Variants in SETX observed in about 807,000 individuals in gnomAD.
SETX encodes senataxin.
In SETX, 90 loss-of-function variants were observed where a neutral mutation model predicts 227.2. That is an observed-to-expected ratio of 0.40 (90% CI 0.33 to 0.47). The LOEUF (loss-of-function observed/expected upper bound fraction) is 0.47, where lower values mean the gene tolerates loss of function less well. SETX is among the 20% of genes least tolerant of loss of function. SETX has a pLI of 0.91. For synonymous variants in SETX, 1,210 were observed against 1,113.2 expected (o/e 1.09, Z -1.73); for missense variants, 3,052 against 3,181.5 (o/e 0.96, Z 0.98).
At chr9:132,309,995 C>A (rs1471548966) in intron 11 of SETX, among the ~76,000 whole-genome samples, 1 of 152,020 alleles carries the variant, frequency 6.6e-6, no homozygotes, top group Non-Finnish European at 1.5e-5. Flanking sequence ...ATTTTTAAGA[C>A]ATCACTAAAA....
At chr9:132,334,758 G>A in intron 6 of SETX, 31 bp from the exon 7 acceptor site, 1 of 1,611,736 alleles carries the variant, frequency 6.2e-7, no homozygotes, top group Non-Finnish European at 8.5e-7. Flanking sequence ...ATCTTGAATT[G>A]ATGAAATAAT....
chr9:132,305,072 A>T (rs12000505), intron 11 of SETX, among the ~76,000 whole-genome samples: 1 of 150,732 alleles, frequency 6.6e-6, no homozygotes, highest in Non-Finnish European at 1.5e-5. Flanking sequence ...ATTTTGGGCC[A>T]GGCGCAGTGG....
chr9:132,319,607 C>T (rs1220831569), intron 10 of SETX, among the ~76,000 whole-genome samples: 1 of 152,184 alleles, frequency 6.6e-6, no homozygotes, highest in Non-Finnish European at 1.5e-5. Flanking sequence ...CATTCCACCC[C>T]ACCTCCTGAA....
chr9:132,283,851 T>C (rs1412655311), intron 18 of SETX, among the ~76,000 whole-genome samples: 1 of 151,346 alleles, frequency 6.6e-6, no homozygotes, highest in African/African-American at 2.4e-5. Flanking sequence ...TGTCTTTTTT[T>C]AGTGCTTTTG....
chr9:132,331,484 C>T (rs1351702886), intron 7 of SETX, 36 bp from the exon 8 acceptor site: 1 of 1,603,504 alleles, frequency 6.2e-7, no homozygotes, highest in Admixed American at 1.7e-5. Flanking sequence ...AATTACTAAA[C>T]AGTTAGAAAA....
At chr9:132,292,415 C>CAAAAAAAAAAAAAAAAAA (rs60253119) in intron 15 of SETX, among the ~76,000 whole-genome samples, 1 of 61,070 alleles carries the variant, frequency 1.6e-5, no homozygotes, top group Non-Finnish European at 4.1e-5. Flanking sequence ...AGCTGGGGTA[C>CAAAAAAAAAAAAAAAAAA]AAAAAAAAAA....
intron 14 of SETX, 97 bp downstream of exon 14, chr9:132,296,790 G>A: frequency 9.1e-7 from 1 of 1,101,432 alleles, no homozygotes; most frequent in East Asian, 2.4e-5. Context: ...AATCAAAGAG[G>A]AAATGGCATG....
rs112424018 is a variant in SETX, at chr9:132,270,669, T to C, written c.7200-967A>G. On this transcript the variant is annotated intron_variant, in intron 24 of 25. Transcript: ENST00000224140. The stretch of plus-strand genomic sequence containing the variant: ...AATTGGAAATTTTAACAGTGCAATC[T>C]TGAAGCCTTGAAAAATCCTAAAAAT... Among the ~76,000 whole-genome samples, 191 of 152,378 alleles carry C rather than the reference T, an allele frequency of 1.3e-3. 1 individual carries two copies. The highest frequency in any genetic ancestry group is 3.4e-3 in the Middle Eastern group (1 of 294).
At chr9:132,312,724 T>A (rs936538451) in intron 10 of SETX, among the ~76,000 whole-genome samples, 1 of 152,178 alleles carries the variant, frequency 6.6e-6, no homozygotes, top group Admixed American at 6.5e-5. Context: ...ATAGTCATGA[T>A]CAGTTTGTAT....
intron 5 of SETX, among the ~76,000 whole-genome samples, chr9:132,341,477 AT>A (rs1363607060): frequency 6.6e-6 from 1 of 152,040 alleles, no homozygotes; most frequent in East Asian, 1.9e-4. Flanking sequence ...CTAAATATAA[AT>A]TTGGGCTGCT....
chr9:132,330,595 C>A, intron 9 of SETX, 96 bp from the exon 10 acceptor site: 1 of 1,064,374 alleles, frequency 9.4e-7, no homozygotes. Context: ...TCTCAACTCT[C>A]TTATTTTGGT....
At chr9:132,297,461 T>C (rs1844738321) in intron 13 of SETX, among the ~76,000 whole-genome samples, 2 of 152,208 alleles carry the variant, frequency 1.3e-5, no homozygotes. Context: ...GCACATGTGA[T>C]ACAGTGGAAA....
At chr9:132,306,261 G>A (rs1845328624) in intron 11 of SETX, among the ~76,000 whole-genome samples, 1 of 152,132 alleles carries the variant, frequency 6.6e-6, no homozygotes, top group South Asian at 2.1e-4. Context: ...CACCCAGGAT[G>A]GAGTGCAATG....
At chr9:132,321,797 G>C (rs900157935) in intron 10 of SETX, among the ~76,000 whole-genome samples, 2 of 148,892 alleles carry the variant, frequency 1.3e-5, no homozygotes, top group African/African-American at 4.9e-5. Context: ...GCGGTGAGCC[G>C]AGATCGTGCC....
rs1263839521 is a variant in SETX, at chr9:132,327,906, T to A, written c.3692A>T (p.Glu1231Val). 6.2e-7 allele frequency: 1 copy of A among 1,614,102 alleles called. No homozygotes were observed. Among genetic ancestry groups the A allele is most frequent in the East Asian group, 2.2e-5 (1 of 44,898 alleles). Residue 1231 changes from glutamate to valine, a missense_variant, in exon 10 of 26, where the codon GAA becomes GTA. By Grantham distance (121) the Glu-to-Val change is moderately radical (BLOSUM62 -2). Transcript: ENST00000224140. ...KKSSKLCTCT[E>V]PIRKVPVSKT... ...AGAAACTGGAACTTTCCTGATGGGT[T>A]CTGTACAAGTACAAAGCTTTGAAGA...
At chr9:132,299,566 A>G (rs1291951926) in intron 12 of SETX, among the ~76,000 whole-genome samples, 3 of 152,246 alleles carry the variant, frequency 2.0e-5, no homozygotes, top group Non-Finnish European at 2.9e-5. Context: ...CTATATTAAT[A>G]TATCATGCAA....
Position 132,264,384 on chromosome 9 carries a change from C to T in SETX, c.7889G>A (p.Cys2630Tyr). The change falls in exon 26 of 26, where the codon TGT becomes TAT. Residue 2630 changes from cysteine (C) to tyrosine (Y), a missense_variant. Around this residue, in one of 10 missense-constraint regions of SETX, gnomAD observed 294 missense variants for 278.8 expected, o/e 1.05. Transcript: ENST00000224140. ...SKCDDPEEEL[C>Y]HRREARAFSE... ...GAAAGCCCTGGCCTCTCTCCTGTGA[C>T]AGAGCTCCTCTTCCGGGTCATCACA... 1 of 1,614,224 alleles carries T rather than the reference C, an allele frequency of 6.2e-7. No homozygotes were observed. The highest frequency in any genetic ancestry group is 1.1e-5 in the South Asian group (1 of 91,074).
Position 132,263,994 on chromosome 9 carries a change from A to T in SETX, c.*245T>A. The T allele has an allele frequency of 1.8e-6, 1 of 567,324 alleles. No homozygotes were observed. The highest frequency in any genetic ancestry group is 3.1e-6 in the Non-Finnish European group (1 of 318,772). The allele number at this position is 567,324 out of a possible 1,614,324, so 35.1% of individuals were successfully genotyped here. The stretch of plus-strand genomic sequence containing the variant: ...CTCCTTGTCTATAGAAGACTAAGAG[A>T]TCAACATTTCCAGTCTCTGACTTCA... On this transcript the variant is annotated 3_prime_UTR_variant, in exon 26 of 26. Coordinates refer to ENST00000224140, the MANE Select transcript of SETX (RefSeq NM_015046.7).
At chr9:132,344,888 A>G (rs1823375987) in intron 4 of SETX, among the ~76,000 whole-genome samples, 1 of 127,030 alleles carries the variant, frequency 7.9e-6, no homozygotes, top group Non-Finnish European at 1.7e-5. Context: ...AAAAAAAAAA[A>G]GGTATTGTTA....
Sources: allele counts gnomAD v4.1 joint callset (sites outside exome capture counted in the v4.1 genomes callset), GRCh38; gene constraint gnomAD v4.1.1; regional missense constraint gnomAD v4.1.1; transcripts MANE v1.5; gene names NCBI Gene and HGNC (gene_info 2026-07-23, HGNC 2026-07-21).